LYRM4: variants seen among roughly 807,000 people sequenced by gnomAD.
LYRM4 encodes LYR motif containing 4.
Under a neutral mutation model 11.7 loss-of-function variants are expected in LYRM4, and 9 were observed. The observed-to-expected ratio is 0.77, with a 90% CI of 0.46 to 1.34. LYRM4 has a LOEUF of 1.34. Among genes scored for constraint, LYRM4 ranks in the 40% most tolerant of loss-of-function variants. The pLI is 0.00. For missense variants in LYRM4, 133 were observed against 112.5 expected (o/e 1.18, Z -0.82); for synonymous variants, 42 against 40.4 (o/e 1.04, Z -0.15).
chr6:5,084,233 A>G, the LYRM4 span, among the ~76,000 whole-genome samples: 1 of 152,204 alleles, frequency 6.6e-6, no homozygotes, highest in Non-Finnish European at 1.5e-5. Context: ...CCTTAAAACC[A>G]AAACAAGAAA....
the LYRM4 span, chr6:5,086,470 G>A: frequency 6.5e-7 from 1 of 1,537,206 alleles, no homozygotes. Context: ...CCACTTCGCT[G>A]TCTGCTACCG....
intron 2 of LYRM4, among the ~76,000 whole-genome samples, chr6:5,123,363 G>C (rs1371740472): frequency 1.3e-5 from 2 of 152,214 alleles, no homozygotes; most frequent in African/African-American, 2.4e-5. Context: ...GGTGGGACAG[G>C]GGGCGGTGAG....
At chr6:5,247,502 T>A (rs1027614966) in intron 1 of LYRM4, among the ~76,000 whole-genome samples, 1 of 152,232 alleles carries the variant, frequency 6.6e-6, no homozygotes. Context: ...AAGTGATATC[T>A]GGTTAAAACA....
At chr6:5,147,898 C>T (rs565723222) in intron 2 of LYRM4, among the ~76,000 whole-genome samples, 4 of 152,310 alleles carry the variant, frequency 2.6e-5, no homozygotes, top group South Asian at 2.1e-4. Context: ...TTGATAGCCA[C>T]GCTGATGAGA....
intron 1 of LYRM4, among the ~76,000 whole-genome samples, chr6:5,247,625 G>A (rs2127765015): frequency 6.6e-6 from 1 of 152,278 alleles, no homozygotes; most frequent in South Asian, 2.1e-4. Flanking sequence ...ATGCTACAGA[G>A]TAATATTCAT....
intron 1 of LYRM4, among the ~76,000 whole-genome samples, chr6:5,243,311 G>GTGGC: frequency 6.6e-6 from 1 of 152,232 alleles, no homozygotes; most frequent in African/African-American, 2.4e-5. Flanking sequence ...TGCTGGCCAT[G>GTGGC]TAGCTCCCAC....
downstream of LYRM4, chr6:5,103,021 A>G (rs1219106794): frequency 6.6e-6 from 1 of 152,178 alleles, no homozygotes; most frequent in Non-Finnish European, 1.5e-5. Context: ...GGATATCAAC[A>G]CGAGAAGCCA....
intron 2 of LYRM4, among the ~76,000 whole-genome samples, chr6:5,167,426 C>T (rs1285509103): frequency 6.6e-6 from 1 of 152,176 alleles, no homozygotes; most frequent in African/African-American, 2.4e-5. Flanking sequence ...CCTATTAATT[C>T]CTGTAACACT....
chr6:5,165,362 A>C (rs1379123814), intron 2 of LYRM4, among the ~76,000 whole-genome samples: 1 of 152,172 alleles, frequency 6.6e-6, no homozygotes, highest in Non-Finnish European at 1.5e-5. Flanking sequence ...GTGTTCCTTC[A>C]GTTTTTGCAG....
chr6:5,073,512 CTA>C, the LYRM4 span, among the ~76,000 whole-genome samples: 1 of 147,662 alleles, frequency 6.8e-6, no homozygotes, highest in Non-Finnish European at 1.5e-5. Context: ...ATATATCTCT[CTA>C]TATATCTATA....
chr6:5,243,847 T>C lies in LYRM4; in HGVS notation c.86+16801A>G, dbSNP rs181700737. Among the ~76,000 whole-genome samples the C allele has an allele frequency of 4.1e-4, 62 of 152,338 alleles. 1 individual carries two copies. The highest frequency in any genetic ancestry group is 1.3e-4 in the Non-Finnish European group (9 of 68,034). On this transcript the variant is annotated intron_variant, in intron 1 of 2. Coordinates refer to ENST00000330636, the MANE Select transcript of LYRM4 (RefSeq NM_020408.6). Reference sequence around the variant, plus strand: ...GGTGGCATCTTAATAAAACAAAGTATCTACAATCATATGGTGGCAGACATT... The same window carrying C: ...GGTGGCATCTTAATAAAACAAAGTACCTACAATCATATGGTGGCAGACATT...
At chr6:5,152,118 G>A (rs951400822) in intron 2 of LYRM4, among the ~76,000 whole-genome samples, 1 of 152,172 alleles carries the variant, frequency 6.6e-6, no homozygotes, top group African/African-American at 2.4e-5. Flanking sequence ...CACTAAGTAT[G>A]GGAACTGGAA....
At chr6:5,122,838 G>A (rs1470309761) in intron 2 of LYRM4, among the ~76,000 whole-genome samples, 1 of 152,220 alleles carries the variant, frequency 6.6e-6, no homozygotes, top group Non-Finnish European at 1.5e-5. Context: ...TTCACGCTCA[G>A]CATCCCAGGC....
chr6:5,086,513 C>G, the LYRM4 span: 17 of 1,534,738 alleles, frequency 1.1e-5, no homozygotes, highest in African/African-American at 1.4e-4. Context: ...GACAACAACG[C>G]GGGCGCCAAC....
At chr6:5,228,247 C>T (rs1763012448) in intron 1 of LYRM4, among the ~76,000 whole-genome samples, 1 of 152,022 alleles carries the variant, frequency 6.6e-6, no homozygotes, top group African/African-American at 2.4e-5. Context: ...AATAATTGGA[C>T]CTTGGAGGAA....
chr6:5,157,678 G>A (rs961360033), intron 2 of LYRM4, among the ~76,000 whole-genome samples: 4 of 151,522 alleles, frequency 2.6e-5, no homozygotes, highest in Non-Finnish European at 5.9e-5. Flanking sequence ...ATGAAAACAC[G>A]AAAGATGGCT....
chr6:5,032,242 G>T, the LYRM4 span: 1 of 152,176 alleles, frequency 6.6e-6, no homozygotes, highest in Non-Finnish European at 1.5e-5. Context: ...CGTAATAAGG[G>T]ATAAGCGGTT....
intron 2 of LYRM4, among the ~76,000 whole-genome samples, chr6:5,206,410 G>A (rs751234777): frequency 2.0e-5 from 3 of 152,282 alleles, no homozygotes; most frequent in Non-Finnish European, 2.9e-5. Context: ...GTGTAATTCC[G>A]AAATGCACTC....
chr6:5,144,030 A>T (rs1336487931), intron 2 of LYRM4: 1 of 1,318,428 alleles, frequency 7.6e-7, no homozygotes, highest in Non-Finnish European at 1.0e-6. Flanking sequence ...AGCCCCTGAC[A>T]TCAAATTGCT....
Sources: allele counts gnomAD v4.1 joint callset (sites outside exome capture counted in the v4.1 genomes callset), GRCh38; gene constraint gnomAD v4.1.1; transcripts MANE v1.5; gene names NCBI Gene and HGNC (gene_info 2026-07-23, HGNC 2026-07-21).